Variants in LCORL observed in about 807,000 individuals in gnomAD.
LCORL encodes the protein ligand dependent nuclear receptor corepressor like.
A neutral mutation model predicts 141.8 loss-of-function variants in LCORL; 41 were observed. The ratio of observed to expected loss-of-function variants is 0.29; its 90% CI spans 0.23 to 0.38. LCORL has a LOEUF of 0.38. Ranked by LOEUF, LCORL falls within the 10% of genes least tolerant of loss-of-function variation. LCORL has a pLI of 1.00. For missense variants in LCORL, 1,759 were observed against 2,035.0 expected (o/e 0.86, Z 2.61); for synonymous variants, 618 against 694.1 (o/e 0.89, Z 1.72).
At chr4:17,978,046 T>C (rs1717303342) in intron 1 of LCORL, among the ~76,000 whole-genome samples, 1 of 152,202 alleles carries the variant, frequency 6.6e-6, no homozygotes, top group African/African-American at 2.4e-5. Flanking sequence ...TTTTAGTCCT[T>C]GAACATAACT....
chr4:18,007,327 A>G (rs1722983419), intron 1 of LCORL, among the ~76,000 whole-genome samples: 2 of 152,182 alleles, frequency 1.3e-5, no homozygotes, highest in Admixed American at 1.3e-4. Flanking sequence ...CCACAGTAAA[A>G]TAATTTAAAA....
At chr4:17,883,054 T>C (rs1166900877) in intron 6 of LCORL, 1 of 977,876 alleles carries the variant, frequency 1.0e-6, no homozygotes, top group Non-Finnish European at 1.2e-6. Context: ...ATATACCTTA[T>C]AAACCCCAAC....
intron 1 of LCORL, chr4:18,020,825 C>G (rs938513289): frequency 2.6e-5 from 4 of 152,288 alleles, no homozygotes; most frequent in Non-Finnish European, 4.4e-5. Context: ...TCGGGGCGTC[C>G]GCAAGCAGAC....
At chr4:17,965,921 C>T (rs985157492) in intron 2 of LCORL, among the ~76,000 whole-genome samples, 3 of 151,858 alleles carry the variant, frequency 2.0e-5, no homozygotes, top group South Asian at 2.1e-4. Context: ...GTAAATTTAG[C>T]GTTTCCAAAG....
intron 1 of LCORL, among the ~76,000 whole-genome samples, chr4:17,997,771 A>T (rs1721137263): frequency 7.2e-6 from 1 of 138,736 alleles, no homozygotes; most frequent in Non-Finnish European, 1.5e-5. Context: ...GTATACTACC[A>T]TTATTGTTTG....
chr4:17,905,757 CAAAT>C (rs935818313), intron 5 of LCORL, among the ~76,000 whole-genome samples: 1 of 151,710 alleles, frequency 6.6e-6, no homozygotes, highest in African/African-American at 2.4e-5. Flanking sequence ...AGCAACTCAC[CAAAT>C]AAATAACTGG....
At chr4:17,867,720 A>C (rs1387547783) in intron 7 of LCORL, among the ~76,000 whole-genome samples, 1 of 152,230 alleles carries the variant, frequency 6.6e-6, no homozygotes, top group African/African-American at 2.4e-5. Flanking sequence ...TTTGTTAAAT[A>C]AACTGAATGA....
intron 4 of LCORL, among the ~76,000 whole-genome samples, chr4:17,926,620 C>T (rs974633737): frequency 6.6e-6 from 1 of 152,226 alleles, no homozygotes; most frequent in Non-Finnish European, 1.5e-5. Context: ...GGCTTCCTTG[C>T]TCCTCAGCTT....
At chr4:17,890,427 G>A (rs1368273513) in intron 5 of LCORL, among the ~76,000 whole-genome samples, 2 of 151,982 alleles carry the variant, frequency 1.3e-5, no homozygotes, top group African/African-American at 4.8e-5. Context: ...AGATCTAAAA[G>A]GATCTTAACT....
chr4:18,003,626 T>G (rs1432680321), intron 1 of LCORL, among the ~76,000 whole-genome samples: 1 of 152,060 alleles, frequency 6.6e-6, no homozygotes, highest in African/African-American at 2.4e-5. Flanking sequence ...TGGAGAGAGA[T>G]CAAGTAAGTT....
intron 1 of LCORL, among the ~76,000 whole-genome samples, chr4:18,000,694 G>C (rs1429569601): frequency 6.6e-6 from 1 of 152,150 alleles, no homozygotes; most frequent in East Asian, 1.9e-4. Context: ...CCATTTCAAA[G>C]TTTCCCAAAA....
chr4:17,911,906 A>C, intron 4 of LCORL: 1 of 504,744 alleles, frequency 2.0e-6, no homozygotes, highest in Non-Finnish European at 3.8e-6. Flanking sequence ...GGAGGCATCC[A>C]GAACGAGGAG....
intron 5 of LCORL, among the ~76,000 whole-genome samples, chr4:17,906,367 T>C (rs17518989): frequency 0.43 from 65,947 of 151,634 alleles, 16,694 homozygotes; most frequent in Non-Finnish European, 0.57. Context: ...TTTAGCTTCA[T>C]CTACCATCAC....
At chr4:17,928,885 T>C (rs1735569220) in intron 4 of LCORL, among the ~76,000 whole-genome samples, 1 of 152,168 alleles carries the variant, frequency 6.6e-6, no homozygotes, top group Non-Finnish European at 1.5e-5. Flanking sequence ...TATAATCTTA[T>C]ATACATAAAT....
At chr4:18,015,864 T>C (rs1284666688) in intron 1 of LCORL, among the ~76,000 whole-genome samples, 1 of 150,574 alleles carries the variant, frequency 6.6e-6, no homozygotes, top group East Asian at 1.9e-4. Flanking sequence ...TAGTATGATA[T>C]AAATTTTTTA....
rs75850862 is a variant in LCORL, at chr4:17,883,297, T to A, written c.776+2771A>T. 9.2e-3 allele frequency: 9,110 copies of A among 991,430 alleles called. 623 individuals are homozygous for A. In the African/African-American group the frequency reaches 0.15, roughly 16 times the overall value. 61.4% of individuals were successfully genotyped at this position (991,430 alleles called of 1,614,324 possible). A position where few individuals can be genotyped will look rare whatever the true frequency, so the allele number is the denominator to read the frequency against. On this transcript the variant is annotated intron_variant, in intron 6 of 7. Transcript: ENST00000635767. ...CAAGTGTTAAGTCTGTTGTATAGAA[T>A]GTTTATAAACTATGAATATCATATT...
At chr4:17,930,727 T>C (rs1414474230) in intron 4 of LCORL, among the ~76,000 whole-genome samples, 1 of 152,214 alleles carries the variant, frequency 6.6e-6, no homozygotes, top group East Asian at 1.9e-4. Context: ...GAGATTGTTC[T>C]GTAGTGGTAT....
chr4:17,989,547 C>G (rs1250104379), intron 1 of LCORL, among the ~76,000 whole-genome samples: 1 of 152,146 alleles, frequency 6.6e-6, no homozygotes, highest in Non-Finnish European at 1.5e-5. Flanking sequence ...GGTACAGAGT[C>G]TGCAGAAGTA....
chr4:17,951,595 T>A (rs1212841997), intron 4 of LCORL, among the ~76,000 whole-genome samples: 1 of 152,246 alleles, frequency 6.6e-6, no homozygotes, highest in African/African-American at 2.4e-5. Context: ...ATGCTTTATG[T>A]CCCTCTCCAT....
Sources: gnomAD v4.1 joint callset for allele counts (sites outside exome capture counted in the v4.1 genomes callset) on GRCh38, gnomAD v4.1.1 for gene constraint, MANE v1.5 for transcripts, NCBI Gene and HGNC (gene_info 2026-07-23, HGNC 2026-07-21) for gene names.